The following EIF3H variants were observed in gnomAD, a reference collection of about 807,000 sequenced individuals.
The protein encoded by EIF3H is eIF-3-gamma.
A neutral mutation model predicts 44.2 loss-of-function variants in EIF3H; 26 were observed. The observed-to-expected ratio is 0.59, with a 90% CI of 0.43 to 0.82. The LOEUF is 0.82. Among genes scored for constraint, EIF3H ranks in the 40% least tolerant of loss-of-function variants. The pLI, the probability that EIF3H is intolerant of heterozygous loss-of-function variation, is 0.00. For missense variants in EIF3H, 359 were observed against 432.8 expected (o/e 0.83, Z 1.51); for synonymous variants, 166 against 151.9 (o/e 1.09, Z -0.68).
intron 2 of EIF3H, among the ~76,000 whole-genome samples, chr8:116,705,015 A>G (rs2130887299): frequency 6.6e-6 from 1 of 152,320 alleles, no homozygotes; most frequent in South Asian, 2.1e-4. Context: ...AACACTTTGT[A>G]GCACTGCCCA....
intron 2 of EIF3H, among the ~76,000 whole-genome samples, chr8:116,660,714 G>T (rs1463614773): frequency 6.6e-6 from 1 of 151,982 alleles, no homozygotes; most frequent in African/African-American, 2.4e-5. Flanking sequence ...TCATAAAAAG[G>T]AAAAAAAGTG....
rs781170124 is a variant in EIF3H at position 116,705,906 on chromosome 8, A to G, written c.289+20110T>C. Among the ~76,000 whole-genome samples the G allele has an allele frequency of 1.0e-3, 156 of 152,074 alleles. 1 individual carries two copies. The highest frequency in any genetic ancestry group is 1.8e-3 in the Non-Finnish European group (123 of 68,004). On this transcript the variant is annotated intron_variant, in intron 2 of 7. Coordinates refer to ENST00000521861, the MANE Select transcript of EIF3H (RefSeq NM_003756.3). ...GAAGGATATAGGGGAACTCTGTACT[A>G]TCTTTGCAACGTTTCAGTAAAATCT... is the stretch of plus-strand genomic sequence containing the variant.
At chr8:116,710,154 G>C (rs1319292031) in intron 2 of EIF3H, among the ~76,000 whole-genome samples, 1 of 152,136 alleles carries the variant, frequency 6.6e-6, no homozygotes, top group East Asian at 1.9e-4. Context: ...TAACCATACT[G>C]TGTACTCAGT....
chr8:116,652,097 G>A (rs934943646), intron 5 of EIF3H, among the ~76,000 whole-genome samples: 2 of 152,146 alleles, frequency 1.3e-5, no homozygotes, highest in African/African-American at 2.4e-5. Flanking sequence ...TGAGGAACAC[G>A]GACAGAGATG....
chr8:116,757,179 G>A (rs191746108), upstream of EIF3H, among the ~76,000 whole-genome samples: 25 of 152,146 alleles, frequency 1.6e-4, no homozygotes, highest in Non-Finnish European at 2.9e-4. Flanking sequence ...TTGCAGCCAC[G>A]TGTGCTAAAC....
intron 2 of EIF3H, among the ~76,000 whole-genome samples, chr8:116,663,259 A>G (rs931770113): frequency 2.2e-4 from 34 of 152,186 alleles, no homozygotes; most frequent in Non-Finnish European, 2.5e-4. Context: ...AAAAGAAAAA[A>G]AGAGGCTCCT....
chr8:116,658,916 G>A lies in EIF3H; in HGVS notation c.354C>T (p.Gly118=), dbSNP rs1813540488. 6.2e-7 allele frequency: 1 copy of A among 1,613,770 alleles called. No individual in the cohort carries two copies. Among genetic ancestry groups the A allele is most frequent in the Non-Finnish European group, 8.5e-7 (1 of 1,179,738 alleles). ...AGCCATAGTATGTGGACTGATACCA[G>A]CCCACGTGAAGATGATCAATGTTTA... is the stretch of plus-strand genomic sequence containing the variant. ...RHVNIDHLHV[G]WYQSTYYGSF... is the part of the protein sequence containing the mutation. Residue 118 remains glycine, a synonymous_variant, in exon 3 of 8, where the codon GGC becomes GGT. Transcript: ENST00000521861.
chr8:116,747,346 G>A (rs1262568640), intron 1 of EIF3H, among the ~76,000 whole-genome samples: 24 of 152,174 alleles, frequency 1.6e-4, no homozygotes, highest in Non-Finnish European at 1.5e-5. Context: ...GATTACAGGC[G>A]GGAGCACGGC....
chr8:116,697,028 C>T (rs1814280489), intron 2 of EIF3H: 1 of 454,178 alleles, frequency 2.2e-6, no homozygotes. Context: ...TAACAGTAGT[C>T]TCACTGTGGA....
chr8:116,706,539 A>C (rs925464416), intron 2 of EIF3H, among the ~76,000 whole-genome samples: 1 of 151,854 alleles, frequency 6.6e-6, no homozygotes, highest in Non-Finnish European at 1.5e-5. Context: ...TTATTTATTT[A>C]TTTTATTTAT....
upstream of EIF3H, chr8:116,755,887 G>A: frequency 6.4e-7 from 1 of 1,572,716 alleles, no homozygotes; most frequent in Non-Finnish European, 8.6e-7. Flanking sequence ...GCCGGCGTTC[G>A]AGGGGCGGAG....
intron 1 of EIF3H, among the ~76,000 whole-genome samples, chr8:116,747,494 A>C (rs898345643): frequency 2.6e-5 from 4 of 152,248 alleles, no homozygotes; most frequent in African/African-American, 9.6e-5. Flanking sequence ...AAAATGTGCA[A>C]GTTTTGGTGC....
chr8:116,663,439 GTTAAT>G (rs1813614100), intron 2 of EIF3H, among the ~76,000 whole-genome samples: 1 of 152,162 alleles, frequency 6.6e-6, no homozygotes, highest in African/African-American at 2.4e-5. Context: ...TCTCTTCTAA[GTTAAT>G]GTCTAAATAT....
At chr8:116,667,764 G>A (rs1402615571) in intron 2 of EIF3H, among the ~76,000 whole-genome samples, 2 of 152,164 alleles carry the variant, frequency 1.3e-5, no homozygotes, top group Non-Finnish European at 2.9e-5. Flanking sequence ...TGCACTAGGA[G>A]CCTGATAATG....
chr8:116,754,780 T>C (rs1191419437), intron 1 of EIF3H, among the ~76,000 whole-genome samples: 1 of 152,278 alleles, frequency 6.6e-6, no homozygotes, highest in Non-Finnish European at 1.5e-5. Context: ...GATTCAATTA[T>C]ATGCTGCGTT....
At chr8:116,714,410 T>C (rs943434354) in intron 2 of EIF3H, among the ~76,000 whole-genome samples, 2 of 152,140 alleles carry the variant, frequency 1.3e-5, no homozygotes, top group Non-Finnish European at 2.9e-5. Context: ...AATTTTTTTA[T>C]GTACACACTT....
chr8:116,734,379 A>G, intron 1 of EIF3H: 1 of 455,978 alleles, frequency 2.2e-6, no homozygotes, highest in South Asian at 1.5e-5. Context: ...ATACTTGACG[A>G]CTATGGATTT....
At chr8:116,741,255 G>A (rs1245048895) in intron 1 of EIF3H, among the ~76,000 whole-genome samples, 2 of 152,036 alleles carry the variant, frequency 1.3e-5, no homozygotes, top group Non-Finnish European at 2.9e-5. Flanking sequence ...TCATTCCTCA[G>A]AGATTTTTTT....
chr8:116,752,774 AG>A lies in EIF3H; in HGVS notation c.132+2891del, dbSNP rs1563663170. Among the ~76,000 whole-genome samples, 3 of 46,988 alleles carry A rather than the reference AG, an allele frequency of 6.4e-5. 1 individual carries two copies. Among genetic ancestry groups the A allele is most frequent in the Non-Finnish European group, 1.4e-4 (3 of 21,338 alleles). The allele number at this position is 46,988 out of a possible 152,430, so 30.8% of individuals were successfully genotyped here. On this transcript the variant is annotated intron_variant, in intron 1 of 7. Transcript: ENST00000521861. ...GAAAGAGGGAGGGAGGGAGGGAGGGAGGGAGGGAGGGAGGGAGGGAGGGAAG... is the reference window on the plus strand; with the variant it reads ...GAAAGAGGGAGGGAGGGAGGGAGGGAGGAGGGAGGGAGGGAGGGAGGGAAG...
Sources: gnomAD v4.1 joint callset for allele counts (sites outside exome capture counted in the v4.1 genomes callset) on GRCh38, gnomAD v4.1.1 for gene constraint, MANE v1.5 for transcripts, NCBI Gene and HGNC (gene_info 2026-07-23, HGNC 2026-07-21) for gene names.